Variants in RCAN3 observed in about 807,000 individuals in gnomAD.
RCAN3 encodes regulator of calcineurin 3.
A neutral mutation model predicts 21.9 loss-of-function variants in RCAN3; 19 were observed. The ratio of observed to expected loss-of-function variants is 0.87; its 90% CI spans 0.61 to 1.27. The LOEUF is 1.27. Among genes scored for constraint, RCAN3 ranks in the 50% most tolerant of loss-of-function variants. The pLI, the probability that RCAN3 is intolerant of heterozygous loss-of-function variation, is 0.00. For synonymous variants in RCAN3, 114 were observed against 112.3 expected (o/e 1.01, Z -0.09); for missense variants, 240 against 300.1 (o/e 0.80, Z 1.48).
rs1650345471 is a variant in RCAN3 at position 24,538,513 on chromosome 1, T to A, written c.*3236T>A. ...TCCGCCTCCCGGGTTCACGCCATTCTCCTGCCTCAGCCTCCCAAGTAGCTG... is the reference window on the plus strand; with the variant it reads ...TCCGCCTCCCGGGTTCACGCCATTCACCTGCCTCAGCCTCCCAAGTAGCTG... On this transcript the variant is annotated 3_prime_UTR_variant, in exon 5 of 5. Transcript: ENST00000374395. 6.6e-6 allele frequency: 1 copy of A among 150,998 alleles called. No individual in the cohort carries two copies. The highest frequency in any genetic ancestry group is 6.6e-5 in the Admixed American group (1 of 15,180). The allele number at this position is 150,998 out of a possible 1,614,324, so 9.4% of individuals were successfully genotyped here. A position where few individuals can be genotyped will look rare whatever the true frequency, so the allele number is the denominator to read the frequency against.
Position 24,536,099 on chromosome 1 carries a change from GACCACCCAGCT to G in RCAN3, c.*826_*836del, listed in dbSNP as rs1274300831. 6.6e-6 allele frequency: 1 copy of G among 152,202 alleles called. No individual in the cohort carries two copies. The highest frequency in any genetic ancestry group is 2.4e-5 in the African/African-American group (1 of 41,444). The allele number at this position is 152,202 out of a possible 1,614,324, so 9.4% of individuals were successfully genotyped here. On this transcript the variant is annotated 3_prime_UTR_variant, in exon 5 of 5. Transcript: ENST00000374395. ...GTTCGTGACCGTGTTCTAGCCTGTAGACCACCCAGCTACCTTCATTCACCAGTTTTTATCCT... is the reference window on the plus strand; with the variant it reads ...GTTCGTGACCGTGTTCTAGCCTGTAGACCTTCATTCACCAGTTTTTATCCT...
chr1:24,523,239 A>AT (rs1300080608), intron 2 of RCAN3, among the ~76,000 whole-genome samples: 1 of 151,794 alleles, frequency 6.6e-6, no homozygotes, highest in African/African-American at 2.4e-5. Context: ...AATTTTTTGT[A>AT]TTTTTAGTGG....
intron 2 of RCAN3, among the ~76,000 whole-genome samples, chr1:24,515,697 G>A (rs370132475): frequency 8.0e-4 from 122 of 152,270 alleles, no homozygotes; most frequent in African/African-American, 2.8e-3. Context: ...GAGTGCCTAC[G>A]GTGTGCCAGG....
intron 1 of RCAN3, among the ~76,000 whole-genome samples, chr1:24,509,781 T>G (rs1004168853): frequency 6.6e-6 from 1 of 152,232 alleles, no homozygotes; most frequent in Non-Finnish European, 1.5e-5. Flanking sequence ...AATGATGACT[T>G]CTTTCCAGAA....
chr1:24,531,406 A>G lies in RCAN3; in HGVS notation c.369+15A>G. On this transcript the variant is annotated intron_variant, in intron 3 of 4. Transcript: ENST00000374395. ...ATTTTGCACAGGTACTTCACCGTGC[A>G]GAGAACACTGTTCTCTAAACTTGTT... 6.4e-7 allele frequency: 1 copy of G among 1,568,492 alleles called. No individual in the cohort carries two copies. Among genetic ancestry groups the G allele is most frequent in the Non-Finnish European group, 8.6e-7 (1 of 1,157,446 alleles).
chr1:24,530,005 A>C (rs972965503), intron 2 of RCAN3, among the ~76,000 whole-genome samples: 5 of 126,318 alleles, frequency 4.0e-5, no homozygotes, highest in African/African-American at 1.2e-4. Context: ...TCTCAAAAAA[A>C]AAAACAAAAC....
chr1:24,517,787 G>A (rs1648463178), intron 2 of RCAN3, among the ~76,000 whole-genome samples: 1 of 152,124 alleles, frequency 6.6e-6, no homozygotes, highest in Non-Finnish European at 1.5e-5. Flanking sequence ...GAGACCAGGA[G>A]TTTGAGACCA....
intron 2 of RCAN3, among the ~76,000 whole-genome samples, chr1:24,516,513 G>A (rs9424325): frequency 0.07 from 10,588 of 152,090 alleles, 1,174 homozygotes; most frequent in African/African-American, 0.23. Flanking sequence ...GGGCCATTTC[G>A]GGAGTAGCAA....
In RCAN3 at chr1:24,540,173, A is replaced by G. The variant is rs1330313693; in HGVS notation, c.*4896A>G. ...TACCAAATGTACAATCCATAAGACA[A>G]CTGAAAGCAACAACTGCTGGGTTCA... On this transcript the variant is annotated 3_prime_UTR_variant, in exon 5 of 5. Transcript: ENST00000374395. The G allele has an allele frequency of 6.6e-6, 1 of 152,218 alleles. No homozygotes were observed. Among genetic ancestry groups the G allele is most frequent in the Non-Finnish European group, 1.5e-5 (1 of 68,036 alleles). 9.4% of individuals were successfully genotyped at this position (152,218 alleles called of 1,614,324 possible). A position where few individuals can be genotyped will look rare whatever the true frequency, so the allele number is the denominator to read the frequency against.
intron 1 of RCAN3, among the ~76,000 whole-genome samples, chr1:24,505,232 C>CTTTTTTTTTTTTTTTTTTTTTTGTT (rs796980559): frequency 1.5e-5 from 1 of 65,708 alleles, no homozygotes; most frequent in Non-Finnish European, 3.3e-5. Flanking sequence ...TCTCTTTTTT[C>CTTTTTTTTTTTTTTTTTTTTTTGTT]TTTTTTTTTT....
intron 2 of RCAN3, among the ~76,000 whole-genome samples, chr1:24,524,709 C>T (rs935744149): frequency 1.3e-5 from 2 of 151,972 alleles, no homozygotes; most frequent in African/African-American, 2.4e-5. Context: ...TACAGAAAGA[C>T]GTAGAATATA....
intron 2 of RCAN3, among the ~76,000 whole-genome samples, chr1:24,529,284 G>A (rs1649543086): frequency 6.6e-6 from 1 of 151,694 alleles, no homozygotes; most frequent in Non-Finnish European, 1.5e-5. Context: ...CAGGCATGGT[G>A]GCTCATGCCT....
At chr1:24,523,637 CACACAT>C (rs1429642105) in intron 2 of RCAN3, among the ~76,000 whole-genome samples, 36 of 138,834 alleles carry the variant, frequency 2.6e-4, no homozygotes, top group East Asian at 1.2e-3. Context: ...CACACACACA[CACACAT>C]ATATATTTTT....
At position 24,534,532 on chromosome 1, in the gene RCAN3, G is replaced by A. The variant is rs576622409; in HGVS notation, c.542-561G>A. On this transcript the variant is annotated intron_variant, in intron 4 of 4. Transcript: ENST00000374395. ...TGAGGCAGGAGAATGGCGTGAACCC[G>A]GGAGGCGGAGCTTGCAGTGAGCCGA... Among the ~76,000 whole-genome samples the A allele has an allele frequency of 1.7e-3, 258 of 152,188 alleles. 2 individuals carry two copies. Among genetic ancestry groups the A allele is most frequent in the African/African-American group, 6.0e-3 (250 of 41,510 alleles).
chr1:24,505,232 C>CTT (rs796980559), intron 1 of RCAN3, among the ~76,000 whole-genome samples: 100 of 65,730 alleles, frequency 1.5e-3, no homozygotes, highest in Non-Finnish European at 1.9e-3. Context: ...TCTCTTTTTT[C>CTT]TTTTTTTTTT....
intron 2 of RCAN3, among the ~76,000 whole-genome samples, chr1:24,516,846 T>C (rs1486242938): frequency 6.6e-6 from 1 of 152,316 alleles, no homozygotes; most frequent in East Asian, 1.9e-4. Flanking sequence ...TCGCCAACTT[T>C]GTGTCTTTCA....
chr1:24,524,368 AATG>A (rs1362633672), intron 2 of RCAN3, among the ~76,000 whole-genome samples: 4 of 152,200 alleles, frequency 2.6e-5, no homozygotes, highest in Admixed American at 1.3e-4. Flanking sequence ...GATCTGGAAA[AATG>A]ATGATGGCAA....
intron 2 of RCAN3, among the ~76,000 whole-genome samples, chr1:24,518,569 G>C (rs1648530138): frequency 6.7e-6 from 1 of 150,290 alleles, no homozygotes; most frequent in Non-Finnish European, 1.5e-5. Flanking sequence ...CTTGTTTGCT[G>C]TCTTTAACCC....
chr1:24,521,825 G>A (rs180701103), intron 2 of RCAN3, among the ~76,000 whole-genome samples: 14 of 151,426 alleles, frequency 9.2e-5, no homozygotes, highest in African/African-American at 3.1e-4. Context: ...TCCAGCCTGG[G>A]TGACAAAGTG....
Sources: gnomAD v4.1 joint callset for allele counts (sites outside exome capture counted in the v4.1 genomes callset) on GRCh38, gnomAD v4.1.1 for gene constraint, MANE v1.5 for transcripts, NCBI Gene and HGNC (gene_info 2026-07-23, HGNC 2026-07-21) for gene names.